Variants in KIAA1671 observed in about 807,000 individuals in gnomAD.
The protein encoded by KIAA1671 is KIAA1671.
Under a neutral mutation model 131.2 loss-of-function variants are expected in KIAA1671, and 52 were observed. The ratio of observed to expected loss-of-function variants is 0.40; its 90% CI spans 0.32 to 0.50. KIAA1671 has a LOEUF of 0.50. Among genes scored for constraint, KIAA1671 ranks in the 20% least tolerant of loss-of-function variants. The pLI, the probability that KIAA1671 is intolerant of heterozygous loss-of-function variation, is 0.73. For synonymous variants in KIAA1671, 1,003 were observed against 961.6 expected (o/e 1.04, Z -0.80); for missense variants, 2,360 against 2,364.2 (o/e 1.00, Z 0.04).
intron 6 of KIAA1671, among the ~76,000 whole-genome samples, chr22:25,116,370 A>G (rs1931658878): frequency 6.9e-6 from 1 of 144,874 alleles, no homozygotes; most frequent in Admixed American, 7.0e-5. Flanking sequence ...ACTGTACCCC[A>G]CCCCCTCCAC....
chr22:24,961,112 G>T (rs1048173043), intron 1 of KIAA1671, among the ~76,000 whole-genome samples: 1 of 152,120 alleles, frequency 6.6e-6, no homozygotes, highest in African/African-American at 2.4e-5. Flanking sequence ...GGGCTCAGGT[G>T]GTCCTCCCAC....
At chr22:25,033,979 G>T (rs1926446707) in intron 4 of KIAA1671, among the ~76,000 whole-genome samples, 2 of 151,662 alleles carry the variant, frequency 1.3e-5, no homozygotes, top group African/African-American at 4.9e-5. Flanking sequence ...TGTACAACCT[G>T]TGAAACCACC....
At chr22:24,965,541 C>T (rs1337677752) in intron 1 of KIAA1671, among the ~76,000 whole-genome samples, 1 of 151,726 alleles carries the variant, frequency 6.6e-6, no homozygotes, top group Admixed American at 6.6e-5. Flanking sequence ...GAGTTCAAGA[C>T]CAGCCTGGCC....
At chr22:25,175,321 C>T (rs1157539726) in intron 8 of KIAA1671, 3 of 152,240 alleles carry the variant, frequency 2.0e-5, no homozygotes, top group East Asian at 3.8e-4. Flanking sequence ...GGCAGTAAAG[C>T]CTCCCACCTA....
In KIAA1671 at chr22:25,000,184, G is replaced by GTTTTTT. The variant is rs1184771280; in HGVS notation, c.-207-25427_-207-25422dup. Among the ~76,000 whole-genome samples the GTTTTTT allele has an allele frequency of 2.3e-4, 14 of 62,166 alleles. 4 individuals carry two copies. The highest frequency in any genetic ancestry group is 4.8e-4 in the African/African-American group (5 of 10,494). 40.8% of individuals were successfully genotyped at this position (62,166 alleles called of 152,430 possible). A position where few individuals can be genotyped will look rare whatever the true frequency, so the allele number is the denominator to read the frequency against. On this transcript the variant is annotated intron_variant, in intron 1 of 12. Transcript: ENST00000358431. The stretch of plus-strand genomic sequence containing the variant: ...AGGTGTGAGCCACTGCTCCTCGCCT[G>GTTTTTT]TTTTTTTTTTTTTTTTTTTTTTTTT...
intron 7 of KIAA1671, 109 bp downstream of exon 7, chr22:25,171,047 T>C: frequency 2.5e-6 from 2 of 804,264 alleles, no homozygotes; most frequent in South Asian, 3.3e-5. Context: ...CAGTCTGTAA[T>C]TATAAAAGGA....
At chr22:25,016,074 G>GC (rs1925300284) in intron 1 of KIAA1671, among the ~76,000 whole-genome samples, 2 of 151,178 alleles carry the variant, frequency 1.3e-5, no homozygotes, top group African/African-American at 4.9e-5. Context: ...AGGCTGGAGT[G>GC]CAATGGTGTG....
chr22:25,159,361 A>T (rs924603294), intron 6 of KIAA1671, among the ~76,000 whole-genome samples: 3 of 152,096 alleles, frequency 2.0e-5, no homozygotes. Context: ...GCGGATCATT[A>T]TGCGATGTAG....
At chr22:25,127,435 T>C (rs1321360600) in intron 6 of KIAA1671, among the ~76,000 whole-genome samples, 2 of 152,162 alleles carry the variant, frequency 1.3e-5, no homozygotes, top group Admixed American at 1.3e-4. Context: ...TCGAGTGTTT[T>C]AGTTGTTAGA....
chr22:25,045,958 A>G (rs946724282), intron 5 of KIAA1671, among the ~76,000 whole-genome samples: 1 of 152,072 alleles, frequency 6.6e-6, no homozygotes, highest in Non-Finnish European at 1.5e-5. Flanking sequence ...ATTTTAACCT[A>G]GACTCTCATT....
chr22:25,095,756 A>G (rs2145887886), intron 6 of KIAA1671, among the ~76,000 whole-genome samples: 1 of 152,298 alleles, frequency 6.6e-6, no homozygotes. Flanking sequence ...CTTATGCCCA[A>G]TCTCGCACAA....
chr22:25,077,510 C>G (rs1929175849), intron 6 of KIAA1671, among the ~76,000 whole-genome samples: 1 of 152,248 alleles, frequency 6.6e-6, no homozygotes, highest in African/African-American at 2.4e-5. Flanking sequence ...GAGGCTGACT[C>G]TCGCAGGCTT....
intron 1 of KIAA1671, among the ~76,000 whole-genome samples, chr22:24,970,260 C>T (rs1023532331): frequency 6.6e-6 from 1 of 152,080 alleles, no homozygotes; most frequent in African/African-American, 2.4e-5. Flanking sequence ...AGGACAAGGT[C>T]GGCCCACTAC....
chr22:25,038,743 T>C lies in KIAA1671; in HGVS notation c.1630-17T>C. On this transcript the variant is annotated splice_polypyrimidine_tract_variant and intron_variant, in intron 4 of 12. Coordinates refer to ENST00000358431, the MANE Select transcript of KIAA1671 (RefSeq NM_001145206.2). ...TTAAACACTGAGGTGTTTCTTTTTCTTTTTGTTTCTTTCCAGCAAAAGGAG... is the reference window on the plus strand; with the variant it reads ...TTAAACACTGAGGTGTTTCTTTTTCCTTTTGTTTCTTTCCAGCAAAAGGAG... 5 of 1,516,726 alleles carry C rather than the reference T, an allele frequency of 3.3e-6. No homozygotes were observed. In the Admixed American group the frequency reaches 6.5e-5, roughly 20 times the overall value. 94.0% of individuals were successfully genotyped at this position (1,516,726 alleles called of 1,614,324 possible).
At chr22:25,164,978 CGTGTGTGTGTGT>C (rs59765745) in intron 6 of KIAA1671, among the ~76,000 whole-genome samples, 8,258 of 116,566 alleles carry the variant, frequency 0.071, 882 homozygotes, top group African/African-American at 0.25. Context: ...GAGTTGCAGG[CGTGTGTGTGTGT>C]GTGTGTGTGT....
At chr22:24,987,516 G>C (rs780009494) in intron 1 of KIAA1671, among the ~76,000 whole-genome samples, 3 of 152,092 alleles carry the variant, frequency 2.0e-5, no homozygotes, top group Admixed American at 1.3e-4. Flanking sequence ...GCCCAGTCTG[G>C]AGTGCCATGG....
chr22:25,001,572 T>C (rs929358294), intron 1 of KIAA1671, among the ~76,000 whole-genome samples: 2 of 152,020 alleles, frequency 1.3e-5, no homozygotes, highest in Admixed American at 6.6e-5. Flanking sequence ...GTGGGGGAGA[T>C]TGGCCCCAGG....
intron 6 of KIAA1671, among the ~76,000 whole-genome samples, chr22:25,100,611 C>G (rs1356438280): frequency 1.3e-5 from 2 of 152,206 alleles, no homozygotes; most frequent in Non-Finnish European, 2.9e-5. Context: ...TGTCCAGAGC[C>G]TCTGTTGTCC....
intron 5 of KIAA1671, among the ~76,000 whole-genome samples, chr22:25,047,484 T>TC (rs59838646): frequency 2.0e-4 from 30 of 146,744 alleles, no homozygotes; most frequent in African/African-American, 4.3e-4. Context: ...TTTTTTTTTT[T>TC]TTGAGATGGA....
Sources: allele counts gnomAD v4.1 joint callset (sites outside exome capture counted in the v4.1 genomes callset), GRCh38; gene constraint gnomAD v4.1.1; transcripts MANE v1.5; gene names NCBI Gene and HGNC (gene_info 2026-07-23, HGNC 2026-07-21).